EXOSC5: variants seen among roughly 807,000 people sequenced by gnomAD.
The protein encoded by EXOSC5 is exosome complex component RRP46.
In EXOSC5, 15 loss-of-function variants were observed where a neutral mutation model predicts 23.7. That is an observed-to-expected ratio of 0.63 (90% CI 0.42 to 0.97). The LOEUF is 0.97. Among genes scored for constraint, EXOSC5 ranks in the 50% least tolerant of loss-of-function variants. The pLI is 0.00. For synonymous variants in EXOSC5, 143 were observed against 140.9 expected (o/e 1.02, Z -0.11); for missense variants, 305 against 316.3 (o/e 0.96, Z 0.27).
intron 3 of EXOSC5, among the ~76,000 whole-genome samples, chr19:41,390,690 A>G (rs1346531696): frequency 1.3e-5 from 2 of 152,112 alleles, no homozygotes; most frequent in African/African-American, 4.8e-5. Flanking sequence ...GTGGAAAGAG[A>G]GCACAGGTTG....
chr19:41,397,198 G>C lies in EXOSC5; in HGVS notation c.131C>G (p.Ser44Cys), dbSNP rs1180451799. The change falls in exon 1 of 6, where the codon TCT becomes TGT. Residue 44 changes from serine (S) to cysteine (C), a missense_variant. By Grantham distance (112) the Ser-to-Cys change is moderately radical. Coordinates refer to ENST00000221233, the MANE Select transcript of EXOSC5 (RefSeq NM_020158.4). ...GTTCTTACCTTGCAGGAAGGAAGCA[G>C]AGCCATCTGGCCGCGACAGCAGGTT... ...EQNLLSRPDG[S>C]ASFLQGDTSV... 3 of 1,613,968 alleles carry C rather than the reference G, an allele frequency of 1.9e-6. No individual in the cohort carries two copies.
chr19:41,390,965 G>A, intron 3 of EXOSC5, among the ~76,000 whole-genome samples: 1 of 152,030 alleles, frequency 6.6e-6, no homozygotes, highest in East Asian at 1.9e-4. Flanking sequence ...TCAACCTCTC[G>A]CACCTCAGAC....
intron 1 of EXOSC5, among the ~76,000 whole-genome samples, 178 bp downstream of exon 1, chr19:41,397,003 C>T (rs1451015222): frequency 1.3e-5 from 2 of 152,154 alleles, no homozygotes; most frequent in Non-Finnish European, 2.9e-5. Flanking sequence ...CTTCTCCTTT[C>T]TAGTCGTGAG....
intron 4 of EXOSC5, 134 bp downstream of exon 4, chr19:41,389,631 G>A: frequency 7.8e-7 from 1 of 1,287,792 alleles, no homozygotes; most frequent in East Asian, 2.6e-5. Flanking sequence ...AATGAACCAT[G>A]ATGATTAGAG....
chr19:41,396,758 G>A (rs933646383), intron 1 of EXOSC5, among the ~76,000 whole-genome samples: 1 of 145,722 alleles, frequency 6.9e-6, no homozygotes, highest in African/African-American at 2.5e-5. Flanking sequence ...ATTTACGTGG[G>A]TGAAAGATCC....
chr19:41,397,144 T>C (rs2039075413), intron 1 of EXOSC5, 37 bp downstream of exon 1: 2 of 1,608,938 alleles, frequency 1.2e-6, no homozygotes, highest in Admixed American at 1.7e-5. Context: ...TACACGGTAG[T>C]CCCTCTCCAA....
intron 1 of EXOSC5, among the ~76,000 whole-genome samples, chr19:41,394,217 A>C (rs573515509): frequency 1.2e-4 from 18 of 151,888 alleles, no homozygotes; most frequent in African/African-American, 4.3e-4. Context: ...ATCTCTACTA[A>C]AGATACAAAA....
In EXOSC5 at chr19:41,393,516, T is replaced by C. The variant is rs979490790; in HGVS notation, c.149-536A>G. The stretch of plus-strand genomic sequence containing the variant: ...CTGGGCAACTGTAATCCCAAGGTGC[T>C]AGGATTACAGGCGTGAGCTACCACG... On this transcript the variant is annotated intron_variant, in intron 1 of 5. Transcript: ENST00000221233. Among the ~76,000 whole-genome samples, 9 of 151,618 alleles carry C rather than the reference T, an allele frequency of 5.9e-5. No homozygotes were observed. In the East Asian group the frequency reaches 1.7e-3, roughly 29 times the overall value.
rs751289082 is a variant in EXOSC5, at chr19:41,397,255, C to T, written c.74G>A (p.Gly25Asp). ...GCAGGCAAAGTGCCGGAGGCTGCAG[C>T]CAGGACCCCGAGGGCTGGACCCTGT... is the stretch of plus-strand genomic sequence containing the variant. ...NGTGSSPRGP[G>D]CSLRHFACEQ... Residue 25 changes from glycine (G) to aspartate (D), a missense_variant, in exon 1 of 6, where the codon GGC becomes GAC. By Grantham distance (94) the Gly-to-Asp change is moderately conservative. Transcript: ENST00000221233. The T allele has an allele frequency of 2.5e-6, 4 of 1,614,250 alleles. No individual in the cohort carries two copies. The highest frequency in any genetic ancestry group is 3.4e-6 in the Non-Finnish European group (4 of 1,180,046).
chr19:41,389,900 C>G lies in EXOSC5; in HGVS notation c.390G>C (p.Leu130=), dbSNP rs2039011421. 3 of 1,599,560 alleles carry G rather than the reference C, an allele frequency of 1.9e-6. No homozygotes were observed. The East Asian group carries it at 6.7e-5, about 36-fold the overall frequency. Residue 130 remains leucine (L), a synonymous_variant, in exon 4 of 6, where the codon CTG becomes CTC. Transcript: ENST00000221233. Reference sequence around the variant, plus strand: ...TGCAGGCGGCATTCAGACAACAGGCCAGGAGCTGAGCACCACAGGAAATGG... The same window carrying G: ...TGCAGGCGGCATTCAGACAACAGGCGAGGAGCTGAGCACCACAGGAAATGG... The part of the protein sequence containing the change: ...LQVVSDAGSL[L]ACCLNAACMA...
chr19:41,392,811 G>A, intron 2 of EXOSC5, 56 bp downstream of exon 2: 1 of 1,530,556 alleles, frequency 6.5e-7, no homozygotes, highest in Non-Finnish European at 9.0e-7. Context: ...GGAGGAGCTG[G>A]GGGGGTGATT....
At chr19:41,392,771 C>G (rs1451380619) in intron 2 of EXOSC5, 96 bp downstream of exon 2, 1 of 992,904 alleles carries the variant, frequency 1.0e-6, no homozygotes, top group Non-Finnish European at 1.6e-6. Flanking sequence ...GAGACCCAAG[C>G]GGGGAGTGGA....
intron 1 of EXOSC5, among the ~76,000 whole-genome samples, chr19:41,395,033 CAAAAAAAAA>C (rs1180002454): frequency 1.3e-5 from 1 of 74,816 alleles, no homozygotes; most frequent in Non-Finnish European, 2.6e-5. Flanking sequence ...GACTCCATCT[CAAAAAAAAA>C]AAAAGAAAAA....
At chr19:41,392,337 T>G (rs2039029202) in intron 2 of EXOSC5, among the ~76,000 whole-genome samples, 1 of 152,078 alleles carries the variant, frequency 6.6e-6, no homozygotes, top group Non-Finnish European at 1.5e-5. Flanking sequence ...ATCCCAACAC[T>G]TTGGGGGGCT....
chr19:41,397,309 G>C lies in EXOSC5; in HGVS notation c.20C>G (p.Thr7Ser), dbSNP rs376304827. ...ATTTTCAGCACGGATTTTGGCGTCAGTATGCGTCTCCTCCTCCATCGCGCC... is the reference window on the plus strand; with the variant it reads ...ATTTTCAGCACGGATTTTGGCGTCACTATGCGTCTCCTCCTCCATCGCGCC... MEEETH[T>S]DAKIRAENGT... Residue 7 changes from threonine (T) to serine (S), a missense_variant, in exon 1 of 6, where the codon ACT (threonine) becomes AGT (serine). Transcript: ENST00000221233. The C allele has an allele frequency of 5.6e-6, 9 of 1,613,742 alleles. No individual in the cohort carries two copies. The South Asian group carries it at 8.8e-5, about 16-fold the overall frequency.
In EXOSC5 at chr19:41,397,318, T is replaced by C; in HGVS notation, c.11A>G (p.Glu4Gly). ...ACGGATTTTGGCGTCAGTATGCGTCTCCTCCTCCATCGCGCCGAGCCCACG... is the reference window on the plus strand; with the variant it reads ...ACGGATTTTGGCGTCAGTATGCGTCCCCTCCTCCATCGCGCCGAGCCCACG... MEE[E>G]THTDAKIRAE... is the part of the protein sequence containing the mutation. Residue 4 changes from glutamate (E) to glycine (G), a missense_variant, in exon 1 of 6, where the codon GAG becomes GGG. Coordinates refer to ENST00000221233, the MANE Select transcript of EXOSC5 (RefSeq NM_020158.4). The C allele has an allele frequency of 1.2e-6, 2 of 1,611,038 alleles. No homozygotes were observed. The highest frequency in any genetic ancestry group is 1.7e-6 in the Non-Finnish European group (2 of 1,177,478).
intron 2 of EXOSC5, 43 bp downstream of exon 2, chr19:41,392,824 G>T: frequency 6.3e-7 from 1 of 1,592,224 alleles, no homozygotes; most frequent in South Asian, 1.1e-5. Flanking sequence ...GGGTGATTTT[G>T]ACAAACTGGG....
rs574111813 is a variant in EXOSC5 at position 41,389,420 on chromosome 19, C to G, written c.525+345G>C. The stretch of plus-strand genomic sequence containing the variant: ...AGCTGGGATTACAGGCGTGCGCCAC[C>G]ACACCTGGCTAATTTTGTATTTTTA... On this transcript the variant is annotated intron_variant, in intron 4 of 5. Transcript: ENST00000221233. Among the ~76,000 whole-genome samples the G allele has an allele frequency of 1.6e-4, 24 of 152,302 alleles. No homozygotes were observed. In the East Asian group the frequency reaches 4.4e-3, roughly 28 times the overall value.
At chr19:41,391,086 C>T (rs541383523) in intron 3 of EXOSC5, among the ~76,000 whole-genome samples, 8 of 152,156 alleles carry the variant, frequency 5.3e-5, no homozygotes, top group East Asian at 1.9e-4. Context: ...GATTGCCAGC[C>T]GGGCACAGTA....
Sources: allele counts gnomAD v4.1 joint callset (sites outside exome capture counted in the v4.1 genomes callset), GRCh38; gene constraint gnomAD v4.1.1; transcripts MANE v1.5; gene names NCBI Gene and HGNC (gene_info 2026-07-23, HGNC 2026-07-21).